GPC5: variants seen among roughly 807,000 people sequenced by gnomAD.
The protein encoded by GPC5 is glypican-5.
In GPC5, 47 loss-of-function variants were observed where a neutral mutation model predicts 53.9. The observed-to-expected ratio is 0.87, with a 90% CI of 0.69 to 1.11. GPC5 has a LOEUF of 1.11. Ranked by LOEUF, GPC5 falls within the 50% of genes most tolerant of loss-of-function variation. GPC5 has a pLI of 0.00. For synonymous variants in GPC5, 286 were observed against 263.3 expected (o/e 1.09, Z -0.84); for missense variants, 748 against 713.1 (o/e 1.05, Z -0.56).
intron 7 of GPC5, among the ~76,000 whole-genome samples, chr13:92,502,724 C>A (rs1259130597): frequency 1.3e-5 from 2 of 151,952 alleles, no homozygotes; most frequent in African/African-American, 4.8e-5. Flanking sequence ...ACTGAAAACA[C>A]AAACAGACAC....
chr13:92,616,105 A>G (rs751038314), intron 7 of GPC5, among the ~76,000 whole-genome samples: 4 of 152,166 alleles, frequency 2.6e-5, no homozygotes, highest in Non-Finnish European at 4.4e-5. Flanking sequence ...AACAACACCT[A>G]CATCCAAAAA....
intron 7 of GPC5, among the ~76,000 whole-genome samples, chr13:92,818,027 T>C (rs1877539040): frequency 7.0e-6 from 1 of 142,330 alleles, no homozygotes; most frequent in South Asian, 2.3e-4. Flanking sequence ...TTTTTTTTTT[T>C]CTTGAGATGG....
intron 3 of GPC5, among the ~76,000 whole-genome samples, chr13:91,716,232 T>C (rs2036335802): frequency 6.6e-6 from 1 of 152,194 alleles, no homozygotes; most frequent in Non-Finnish European, 1.5e-5. Flanking sequence ...TATGCCTCCT[T>C]GTTCTTAAGT....
At chr13:91,469,911 G>C (rs1882502933) in intron 2 of GPC5, among the ~76,000 whole-genome samples, 2 of 152,072 alleles carry the variant, frequency 1.3e-5, no homozygotes, top group Non-Finnish European at 2.9e-5. Flanking sequence ...AGGGTGGCGT[G>C]TGCCTGTAAT....
At chr13:92,491,617 A>G (rs1879764168) in intron 7 of GPC5, among the ~76,000 whole-genome samples, 1 of 152,170 alleles carries the variant, frequency 6.6e-6, no homozygotes, top group South Asian at 2.1e-4. Flanking sequence ...AATAAAATAT[A>G]AGAATTAGTG....
intron 7 of GPC5, among the ~76,000 whole-genome samples, chr13:92,408,510 C>G (rs954561794): frequency 1.3e-5 from 2 of 151,908 alleles, no homozygotes; most frequent in Non-Finnish European, 2.9e-5. Context: ...GTAACTAAGT[C>G]TCTGTATTCA....
At chr13:91,724,355 T>A (rs895767425) in intron 3 of GPC5, among the ~76,000 whole-genome samples, 1 of 152,080 alleles carries the variant, frequency 6.6e-6, no homozygotes, top group Non-Finnish European at 1.5e-5. Context: ...AGCAAAGCAA[T>A]CAGTTACCCT....
At chr13:91,652,832 C>T (rs1395966143) in intron 2 of GPC5, among the ~76,000 whole-genome samples, 1 of 152,146 alleles carries the variant, frequency 6.6e-6, no homozygotes, top group Non-Finnish European at 1.5e-5. Flanking sequence ...ACCTACAGGT[C>T]GTCACAGTTG....
intron 6 of GPC5, among the ~76,000 whole-genome samples, chr13:92,030,460 C>A (rs2138805008): frequency 1.3e-5 from 2 of 152,218 alleles, no homozygotes; most frequent in South Asian, 4.1e-4. Flanking sequence ...TAACTCTTTC[C>A]AGATTAGAAA....
At chr13:92,574,961 A>C (rs1474990985) in intron 7 of GPC5, among the ~76,000 whole-genome samples, 4 of 152,166 alleles carry the variant, frequency 2.6e-5, no homozygotes, top group Non-Finnish European at 2.9e-5. Flanking sequence ...ATTCATCCAC[A>C]AAACCTCAAT....
intron 7 of GPC5, among the ~76,000 whole-genome samples, chr13:92,492,913 T>G (rs1879820510): frequency 6.6e-6 from 1 of 152,172 alleles, no homozygotes; most frequent in African/African-American, 2.4e-5. Flanking sequence ...GGGAATAATT[T>G]TTTTCCATCT....
chr13:92,326,381 T>C (rs2043251128), intron 7 of GPC5, among the ~76,000 whole-genome samples: 1 of 152,118 alleles, frequency 6.6e-6, no homozygotes, highest in South Asian at 2.1e-4. Context: ...TAAAAATTTA[T>C]TGAAATTTTT....
chr13:92,539,338 T>A (rs1881847767), intron 7 of GPC5, among the ~76,000 whole-genome samples: 1 of 152,028 alleles, frequency 6.6e-6, no homozygotes, highest in Non-Finnish European at 1.5e-5. Flanking sequence ...ATCTGTTGTT[T>A]CCTGACTTTT....
chr13:91,691,765 C>A (rs1462097162), intron 2 of GPC5, among the ~76,000 whole-genome samples: 1 of 152,118 alleles, frequency 6.6e-6, no homozygotes, highest in East Asian at 1.9e-4. Context: ...GCTCTCTCTG[C>A]ACCTCTGCAT....
chr13:91,431,456 CAG>C (rs1354633146), intron 1 of GPC5, among the ~76,000 whole-genome samples: 2 of 152,152 alleles, frequency 1.3e-5, no homozygotes, highest in East Asian at 1.9e-4. Context: ...ATAATTAAAA[CAG>C]AAAATGTAGA....
At chr13:91,466,767 T>C (rs1248087151) in intron 2 of GPC5, among the ~76,000 whole-genome samples, 1 of 152,112 alleles carries the variant, frequency 6.6e-6, no homozygotes, top group African/African-American at 2.4e-5. Flanking sequence ...ACATGAGTCT[T>C]GCAAGAGAGT....
At chr13:92,625,871 A>T (rs1055491753) in intron 7 of GPC5, among the ~76,000 whole-genome samples, 1 of 152,196 alleles carries the variant, frequency 6.6e-6, no homozygotes, top group African/African-American at 2.4e-5. Context: ...CAAGTATGCC[A>T]GAGTGAGGTG....
At chr13:92,749,917 G>A (rs1334652775) in intron 7 of GPC5, among the ~76,000 whole-genome samples, 1 of 152,150 alleles carries the variant, frequency 6.6e-6, no homozygotes, top group Non-Finnish European at 1.5e-5. Flanking sequence ...TAAAATCAAT[G>A]GGAATGTTAT....
At chr13:92,758,992 C>T (rs1428451554) in intron 7 of GPC5, among the ~76,000 whole-genome samples, 307 of 71,704 alleles carry the variant, frequency 4.3e-3, no homozygotes, top group African/African-American at 0.017. Context: ...TTTCCCATTG[C>T]GGTTTTTTTT....
Sources: allele counts gnomAD v4.1 joint callset (sites outside exome capture counted in the v4.1 genomes callset), GRCh38; gene constraint gnomAD v4.1.1; transcripts MANE v1.5; gene names NCBI Gene and HGNC (gene_info 2026-07-23, HGNC 2026-07-21).